Variants in XKR5 observed in about 807,000 individuals in gnomAD.
XKR5 encodes the protein XK related 5.
XKR5 carries 46 observed loss-of-function variants against 40.8 expected under a neutral mutation model. That is an observed-to-expected ratio of 1.13 (90% CI 0.89 to 1.44). XKR5 has a LOEUF of 1.44. Ranked by LOEUF, XKR5 falls within the 40% of genes most tolerant of loss-of-function variation. XKR5 has a pLI of 0.00. For missense variants in XKR5, 1,169 were observed against 844.7 expected, an observed-to-expected ratio of 1.38 and a Z score of -4.76; for synonymous variants, 466 against 356.1, an observed-to-expected ratio of 1.31 and a Z score of -3.48.
At chr8:6,822,064 C>T (rs755731242) in intron 4 of XKR5, 26 bp from the exon 5 acceptor site, 10 of 1,585,468 alleles carry the variant, frequency 6.3e-6, no homozygotes, top group Non-Finnish European at 7.7e-6. Context: ...GTGCAGACGT[C>T]AGGGTCCATG....
chr8:6,819,634 G>A (rs985817137), intron 5 of XKR5, among the ~76,000 whole-genome samples: 6 of 152,210 alleles, frequency 3.9e-5, no homozygotes, highest in Non-Finnish European at 7.3e-5. Context: ...ATGGTGAAGT[G>A]CGAGGTGAGC....
intron 3 of XKR5, 68 bp from the exon 4 acceptor site, chr8:6,823,798 C>A (rs372840094): frequency 7.5e-6 from 10 of 1,335,852 alleles, no homozygotes; most frequent in Middle Eastern, 5.1e-4. Context: ...TGTGAAGATT[C>A]ACTCATGGCA....
intron 5 of XKR5, among the ~76,000 whole-genome samples, chr8:6,819,888 C>T (rs913707500): frequency 7.9e-5 from 12 of 151,726 alleles, no homozygotes; most frequent in Admixed American, 6.6e-4. Context: ...TCCTTCCTTC[C>T]TTCCTCCTTT....
At chr8:6,820,750 G>C (rs867719635) in intron 5 of XKR5, among the ~76,000 whole-genome samples, 2 of 152,196 alleles carry the variant, frequency 1.3e-5, no homozygotes, top group Admixed American at 6.5e-5. Context: ...AACATTGCAA[G>C]TCCTGTGAGC....
chr8:6,835,002 G>A (rs1240601844), intron 1 of XKR5, among the ~76,000 whole-genome samples: 2 of 152,196 alleles, frequency 1.3e-5, no homozygotes, highest in Non-Finnish European at 2.9e-5. Context: ...GGACGGCCGG[G>A]GGTCGGGGGA....
intron 1 of XKR5, 98 bp from the exon 2 acceptor site, chr8:6,832,998 T>C (rs1804841968): frequency 9.1e-7 from 1 of 1,103,824 alleles, no homozygotes; most frequent in Non-Finnish European, 1.2e-6. Flanking sequence ...GATGTTATGA[T>C]GTTCTGACCT....
chr8:6,817,178 C>T (rs2117087518), intron 5 of XKR5, among the ~76,000 whole-genome samples: 1 of 152,260 alleles, frequency 6.6e-6, no homozygotes, highest in East Asian at 1.9e-4. Flanking sequence ...TCTGAAATCT[C>T]TCCTCCACAC....
In XKR5 at chr8:6,832,736, G is replaced by A. The variant is rs780964852; in HGVS notation, c.223C>T (p.Gln75Ter). ...HCSLMMLHLL[Q>*]LGVWKRHWDA... ...TCTTACCGCTTCCAAACACCAAGCT[G>A]TAGGAGGTGCAGCATCATCAAGGAG... The change falls in exon 2 of 7, where the codon CAG becomes TAG. Residue 75 changes from glutamine (Q) to a stop codon, truncating the protein, a stop_gained. Coordinates refer to ENST00000618742, the MANE Select transcript of XKR5 (RefSeq NM_207411.5). LOFTEE classifies it high-confidence loss of function. 21 of 1,613,212 alleles carry A rather than the reference G, an allele frequency of 1.3e-5. No homozygotes were observed. The highest frequency in any genetic ancestry group is 1.8e-5 in the Non-Finnish European group (21 of 1,179,602).
Position 6,821,863 on chromosome 8 carries a change from A to C in XKR5, c.807+6T>G. On this transcript the variant is annotated splice_donor_region_variant and intron_variant, in intron 5 of 6. Transcript: ENST00000618742. ...AAAAGTTAGGATAAAGAAAAGTGCC[A>C]CTTGCCATGTAGAACGTGACCATCC... The C allele has an allele frequency of 1.9e-6, 3 of 1,612,344 alleles. No individual in the cohort carries two copies. The highest frequency in any genetic ancestry group is 2.5e-6 in the Non-Finnish European group (3 of 1,179,164).
At chr8:6,821,076 G>T (rs187950279) in intron 5 of XKR5, among the ~76,000 whole-genome samples, 7 of 152,160 alleles carry the variant, frequency 4.6e-5, no homozygotes, top group African/African-American at 1.4e-4. Context: ...TATTCCTAGC[G>T]TGTGCATGAA....
intron 6 of XKR5, among the ~76,000 whole-genome samples, chr8:6,813,971 A>C (rs73661483): frequency 0.043 from 6,538 of 152,246 alleles, 479 homozygotes; most frequent in African/African-American, 0.15. Flanking sequence ...GGACTCAGCT[A>C]TACCTCCCGT....
rs1225071014 is a variant in XKR5 at position 6,819,626 on chromosome 8, G to A, written c.807+2243C>T. Among the ~76,000 whole-genome samples the A allele has an allele frequency of 2.0e-5, 3 of 152,208 alleles. No individual in the cohort carries two copies. The South Asian group carries it at 6.2e-4, about 32-fold the overall frequency. On this transcript the variant is annotated intron_variant, in intron 5 of 6. Transcript: ENST00000618742. ...AGACTCAGGTCTGGGCAGTGTGCAT[G>A]GTGAAGTGCGAGGTGAGCATGTCCA...
chr8:6,816,018 T>G, intron 5 of XKR5, 100 bp from the exon 6 acceptor site: 2 of 832,038 alleles, frequency 2.4e-6, no homozygotes, highest in Non-Finnish European at 3.9e-6. Flanking sequence ...CCCTCCATCC[T>G]GAGTGCCCAC....
At chr8:6,817,256 C>T (rs1020867447) in intron 5 of XKR5, among the ~76,000 whole-genome samples, 5 of 152,182 alleles carry the variant, frequency 3.3e-5, no homozygotes, top group African/African-American at 1.2e-4. Flanking sequence ...CACCTTGAAA[C>T]AGCCCCACCT....
chr8:6,825,652 A>G (rs1256335158), intron 2 of XKR5, among the ~76,000 whole-genome samples: 1 of 152,014 alleles, frequency 6.6e-6, no homozygotes. Context: ...CCAGACTGCC[A>G]GCTCTGTGAA....
chr8:6,812,224 T>C lies in XKR5; in HGVS notation c.1035A>G (p.Arg345=). Residue 345 remains arginine, a synonymous_variant, in exon 7 of 7, where the codon AGA becomes AGG. Transcript: ENST00000618742. ...GIAGGDKTER[R]DSPRATDLAG... is the part of the protein sequence containing the mutation. ...CTAGATCTGTGGCCCGGGGAGAATC[T>C]CTTCTCTCTGTTTTATCACCTCCTG... The C allele has an allele frequency of 1.9e-6, 3 of 1,552,070 alleles. No individual in the cohort carries two copies. The highest frequency in any genetic ancestry group is 2.6e-6 in the Non-Finnish European group (3 of 1,147,080).
chr8:6,825,969 T>C (rs73513707), intron 2 of XKR5, among the ~76,000 whole-genome samples: 3,072 of 152,126 alleles, frequency 0.02, 95 homozygotes, highest in African/African-American at 0.071. Context: ...ATCAGGGCCC[T>C]GAACTTCAGG....
At chr8:6,817,149 C>A (rs926008399) in intron 5 of XKR5, among the ~76,000 whole-genome samples, 1 of 152,116 alleles carries the variant, frequency 6.6e-6, no homozygotes, top group Non-Finnish European at 1.5e-5. Flanking sequence ...GTCTAGGCAA[C>A]CCCTATCTTC....
intron 2 of XKR5, among the ~76,000 whole-genome samples, chr8:6,831,110 G>C (rs943193663): frequency 6.6e-6 from 1 of 152,202 alleles, no homozygotes; most frequent in African/African-American, 2.4e-5. Flanking sequence ...CTCTGTCCTC[G>C]AGGGCTCATG....
Sources: gnomAD v4.1 joint callset for allele counts (sites outside exome capture counted in the v4.1 genomes callset) on GRCh38, gnomAD v4.1.1 for gene constraint, MANE v1.5 for transcripts, NCBI Gene and HGNC (gene_info 2026-07-23, HGNC 2026-07-21) for gene names.